MEIS2: variants seen among roughly 807,000 people sequenced by gnomAD.
MEIS2 encodes the protein Meis homeobox 2, also known as homeobox protein Meis2.
A neutral mutation model predicts 58.6 loss-of-function variants in MEIS2; 9 were observed. The observed-to-expected ratio is 0.15, with a 90% CI of 0.09 to 0.27. The LOEUF (loss-of-function observed/expected upper bound fraction) is 0.27, where lower values mean the gene tolerates loss of function less well. Ranked by LOEUF, MEIS2 falls within the 10% of genes least tolerant of loss-of-function variation. The pLI, the probability that MEIS2 is intolerant of heterozygous loss-of-function variation, is 1.00. For missense variants in MEIS2, 427 were observed against 635.0 expected, an observed-to-expected ratio of 0.67 and a Z score of 3.52; for synonymous variants, 221 against 228.4, an observed-to-expected ratio of 0.97 and a Z score of 0.29.
chr15:37,021,062 C>T (rs1316523451), intron 8 of MEIS2, among the ~76,000 whole-genome samples: 2 of 152,174 alleles, frequency 1.3e-5, no homozygotes, highest in East Asian at 1.9e-4. Flanking sequence ...CTGCACCTGG[C>T]TCTTGGACTT....
At chr15:36,952,205 G>C (rs1246190604) in intron 8 of MEIS2, among the ~76,000 whole-genome samples, 1 of 152,130 alleles carries the variant, frequency 6.6e-6, no homozygotes, top group Non-Finnish European at 1.5e-5. Context: ...AAAAGGCCTG[G>C]AGTACAAATT....
chr15:37,010,947 C>G (rs181495336), intron 8 of MEIS2, among the ~76,000 whole-genome samples: 1 of 152,316 alleles, frequency 6.6e-6, no homozygotes, highest in East Asian at 1.9e-4. Context: ...TCATTCTTAT[C>G]ATATCTCCTT....
At chr15:37,093,541 C>T (rs767879021) in intron 6 of MEIS2, 40 bp downstream of exon 6, 7 of 1,609,614 alleles carry the variant, frequency 4.3e-6, no homozygotes, top group Non-Finnish European at 1.7e-6. Flanking sequence ...AATGCTTTGC[C>T]CAGTGGCCTT....
At chr15:36,974,716 A>T (rs893451211) in intron 8 of MEIS2, among the ~76,000 whole-genome samples, 5 of 152,194 alleles carry the variant, frequency 3.3e-5, no homozygotes, top group Admixed American at 6.5e-5. Flanking sequence ...CAGCATGAGG[A>T]ACCAGGTCCT....
At chr15:36,920,935 T>C (rs2057482098) in intron 9 of MEIS2, among the ~76,000 whole-genome samples, 1 of 152,168 alleles carries the variant, frequency 6.6e-6, no homozygotes, top group Non-Finnish European at 1.5e-5. Flanking sequence ...GTAACAGATC[T>C]TGTTTTCTAT....
chr15:36,962,829 T>C (rs1390542829), intron 8 of MEIS2, among the ~76,000 whole-genome samples: 1 of 152,254 alleles, frequency 6.6e-6, no homozygotes, highest in East Asian at 1.9e-4. Flanking sequence ...GATTGCCACA[T>C]GGCAAGAAAT....
At chr15:36,931,759 A>G (rs2057986783) in intron 9 of MEIS2, among the ~76,000 whole-genome samples, 1 of 152,254 alleles carries the variant, frequency 6.6e-6, no homozygotes, top group African/African-American at 2.4e-5. Context: ...CATGCTAAGT[A>G]TAGAGCTTTC....
chr15:36,975,969 T>A (rs970462890), intron 8 of MEIS2, among the ~76,000 whole-genome samples: 1 of 152,244 alleles, frequency 6.6e-6, no homozygotes, highest in Non-Finnish European at 1.5e-5. Flanking sequence ...TGATGTACAC[T>A]GTAAATATAT....
rs772280558 is a variant in MEIS2 at position 36,890,286 on chromosome 15, G to A, written c.*1887C>T. On this transcript the variant is annotated 3_prime_UTR_variant, in exon 12 of 12. Coordinates refer to ENST00000561208, the MANE Select transcript of MEIS2 (RefSeq NM_170675.5). ...TGCCTCACCCTTTTTGCACACTTTA[G>A]CAGACATTGTTTGTGCAGTATCAAT... is the stretch of plus-strand genomic sequence containing the variant. 14 of 152,116 alleles carry A rather than the reference G, an allele frequency of 9.2e-5. No homozygotes were observed. The highest frequency in any genetic ancestry group is 5.9e-5 in the Non-Finnish European group (4 of 67,998). The allele number at this position is 152,116 out of a possible 1,614,324, so 9.4% of individuals were successfully genotyped here.
chr15:36,923,918 GA>G (rs1201777680), intron 9 of MEIS2, among the ~76,000 whole-genome samples: 1 of 152,202 alleles, frequency 6.6e-6, no homozygotes, highest in African/African-American at 2.4e-5. Flanking sequence ...AGAATTCAGT[GA>G]AACGTAAGCA....
chr15:36,960,279 A>G (rs1285466145), intron 8 of MEIS2, among the ~76,000 whole-genome samples: 2 of 152,000 alleles, frequency 1.3e-5, no homozygotes, highest in African/African-American at 4.8e-5. Context: ...TATTATCTCT[A>G]GAGTAAGCAA....
chr15:37,034,702 C>T (rs967402927), intron 8 of MEIS2, among the ~76,000 whole-genome samples: 4 of 152,154 alleles, frequency 2.6e-5, no homozygotes, highest in African/African-American at 4.8e-5. Context: ...TTGGGTAACA[C>T]GGAGCTTTCA....
chr15:37,023,371 T>C (rs2141681921), intron 8 of MEIS2, among the ~76,000 whole-genome samples: 1 of 152,374 alleles, frequency 6.6e-6, no homozygotes, highest in East Asian at 1.9e-4. Context: ...GCCTATTGTG[T>C]CAGCCAGTGC....
chr15:36,890,036 G>A lies in MEIS2; in HGVS notation c.*2137C>T, dbSNP rs2055793325. The A allele has an allele frequency of 6.6e-6, 1 of 152,090 alleles. No homozygotes were observed. The highest frequency in any genetic ancestry group is 1.5e-5 in the Non-Finnish European group (1 of 68,000). 9.4% of individuals were successfully genotyped at this position (152,090 alleles called of 1,614,324 possible). On this transcript the variant is annotated 3_prime_UTR_variant, in exon 12 of 12. Transcript: ENST00000561208. Reference sequence around the variant, plus strand: ...GTGTATTTCCTCGTTCATTTATATAGAACCTCCATAAATGCTGTCTGAAAT... The same window carrying A: ...GTGTATTTCCTCGTTCATTTATATAAAACCTCCATAAATGCTGTCTGAAAT...
chr15:36,966,532 C>T (rs1420116239), intron 8 of MEIS2, among the ~76,000 whole-genome samples: 1 of 152,024 alleles, frequency 6.6e-6, no homozygotes, highest in Non-Finnish European at 1.5e-5. Flanking sequence ...ACTGAATCAC[C>T]CCAGGACTTG....
At chr15:36,898,199 G>C (rs2056283822) in intron 9 of MEIS2, 1 of 152,226 alleles carries the variant, frequency 6.6e-6, no homozygotes, top group African/African-American at 2.4e-5. Context: ...CACCTGAAAT[G>C]TTGCTGAGGA....
intron 8 of MEIS2, among the ~76,000 whole-genome samples, chr15:36,962,039 A>G (rs545719065): frequency 6.6e-6 from 1 of 152,356 alleles, no homozygotes; most frequent in African/African-American, 2.4e-5. Flanking sequence ...TTTTTAATGC[A>G]GCTAAATTCA....
At chr15:37,030,968 G>T (rs78086809) in intron 8 of MEIS2, among the ~76,000 whole-genome samples, 2,640 of 152,272 alleles carry the variant, frequency 0.017, 75 homozygotes, top group African/African-American at 0.059. Flanking sequence ...GCAAAACCTG[G>T]TCTCTACATC....
chr15:37,098,876 G>A, intron 1 of MEIS2: 1 of 982,516 alleles, frequency 1.0e-6, no homozygotes. Flanking sequence ...GCGGAGGGTG[G>A]GGGGGCGAAT....
Sources: allele counts gnomAD v4.1 joint callset (sites outside exome capture counted in the v4.1 genomes callset), GRCh38; gene constraint gnomAD v4.1.1; transcripts MANE v1.5; gene names NCBI Gene and HGNC (gene_info 2026-07-23, HGNC 2026-07-21).